The following SYNDIG1L variants were observed in gnomAD, a reference collection of about 807,000 sequenced individuals.
SYNDIG1L encodes the protein synapse differentiation-inducing gene protein 1-like.
In SYNDIG1L, 13 loss-of-function variants were observed where a neutral mutation model predicts 20.1. The observed-to-expected ratio is 0.65, with a 90% CI of 0.42 to 1.03. SYNDIG1L has a LOEUF of 1.03. Among genes scored for constraint, SYNDIG1L ranks in the 50% least tolerant of loss-of-function variants. SYNDIG1L has a pLI of 0.00. For missense variants in SYNDIG1L, 294 were observed against 305.1 expected (o/e 0.96, Z 0.27); for synonymous variants, 128 against 129.3 (o/e 0.99, Z 0.07).
intron 1 of SYNDIG1L, among the ~76,000 whole-genome samples, chr14:74,421,994 G>A (rs191127506): frequency 6.6e-6 from 1 of 152,208 alleles, no homozygotes; most frequent in Non-Finnish European, 1.5e-5. Flanking sequence ...GGCTGACAAG[G>A]GTGAAAATTG....
chr14:74,466,246 A>T, the SYNDIG1L span, among the ~76,000 whole-genome samples: 4 of 152,208 alleles, frequency 2.6e-5, no homozygotes. Flanking sequence ...AGAAGGTGGC[A>T]TTGATTGCAA....
the SYNDIG1L span, chr14:74,480,136 C>T: frequency 1.3e-6 from 2 of 1,584,312 alleles, no homozygotes; most frequent in Admixed American, 1.8e-5. Context: ...TCAGTTTCTG[C>T]TACAGAGCAC....
At position 74,407,662 on chromosome 14, in the gene SYNDIG1L, C is replaced by T. The variant is rs202133035; in HGVS notation, c.590G>A (p.Arg197His). The change falls in exon 4 of 4, where the codon CGC (arginine) becomes CAC (histidine). Residue 197 changes from arginine to histidine, a missense_variant. By Grantham distance (29) the Arg-to-His change is conservative. Transcript: ENST00000331628. ...CCGGCGGGAGGTGGTGCTGGCCAGG[C>T]GGAAGTCCCCTTTGGAGATGGCCTT... ...TSKAISKGDF[R>H]LASTTSRRAL... is the part of the protein sequence containing the mutation. The T allele has an allele frequency of 1.5e-4, 237 of 1,611,638 alleles. No homozygotes were observed. In the East Asian group the frequency reaches 1.9e-3, roughly 13 times the overall value.
the SYNDIG1L span, among the ~76,000 whole-genome samples, chr14:74,475,095 A>G: frequency 3.9e-5 from 6 of 152,162 alleles, no homozygotes; most frequent in Non-Finnish European, 8.8e-5. Flanking sequence ...GTGGCATCAG[A>G]GAGGCCATCA....
the SYNDIG1L span, among the ~76,000 whole-genome samples, chr14:74,451,196 A>T: frequency 1.3e-5 from 2 of 152,242 alleles, no homozygotes; most frequent in Non-Finnish European, 2.9e-5. Context: ...AATAATCAAG[A>T]CAGTGAGGTG....
chr14:74,479,156 T>C, the SYNDIG1L span: 1 of 152,238 alleles, frequency 6.6e-6, no homozygotes, highest in Non-Finnish European at 1.5e-5. Flanking sequence ...ACTGGTTGAC[T>C]GGCTCCTAGC....
At chr14:74,443,574 G>A in the SYNDIG1L span, among the ~76,000 whole-genome samples, 7 of 152,230 alleles carry the variant, frequency 4.6e-5, no homozygotes, top group Non-Finnish European at 1.0e-4. Flanking sequence ...ATACACTTAG[G>A]ATGGTGCTTT....
chr14:74,446,773 C>T, the SYNDIG1L span, among the ~76,000 whole-genome samples: 14 of 152,188 alleles, frequency 9.2e-5, no homozygotes, highest in Middle Eastern at 3.4e-3. Flanking sequence ...CATGCCACCA[C>T]GCTCGGCTAA....
At chr14:74,436,394 A>T in the SYNDIG1L span, among the ~76,000 whole-genome samples, 2 of 151,940 alleles carry the variant, frequency 1.3e-5, no homozygotes, top group South Asian at 2.1e-4. Flanking sequence ...ATACCTGGCT[A>T]ATTTATTTAT....
chr14:74,409,264 T>G, intron 2 of SYNDIG1L, 64 bp downstream of exon 2: 2 of 1,248,986 alleles, frequency 1.6e-6, no homozygotes, highest in Non-Finnish European at 2.2e-6. Context: ...TTTTTTTTTT[T>G]GTAGAGTCGG....
chr14:74,469,691 G>A, the SYNDIG1L span, among the ~76,000 whole-genome samples: 7 of 152,298 alleles, frequency 4.6e-5, no homozygotes, highest in East Asian at 1.4e-3. Flanking sequence ...TAAAGGCTCA[G>A]GGGCTACTTA....
At chr14:74,459,910 A>G in the SYNDIG1L span, among the ~76,000 whole-genome samples, 7 of 152,198 alleles carry the variant, frequency 4.6e-5, no homozygotes, top group Non-Finnish European at 8.8e-5. Flanking sequence ...TACTGTCCCC[A>G]GGAAGTAGCC....
intron 1 of SYNDIG1L, among the ~76,000 whole-genome samples, chr14:74,414,216 G>A (rs145446101): frequency 5.6e-4 from 86 of 152,332 alleles, no homozygotes; most frequent in Non-Finnish European, 9.6e-4. Flanking sequence ...GCCCACACTC[G>A]TGTGTGTTTG....
the SYNDIG1L span, among the ~76,000 whole-genome samples, chr14:74,462,219 C>T: frequency 6.6e-6 from 1 of 151,772 alleles, no homozygotes; most frequent in African/African-American, 2.4e-5. Flanking sequence ...CGCTGTGGCT[C>T]ACTCCTGTAA....
upstream of SYNDIG1L, among the ~76,000 whole-genome samples, chr14:74,429,704 C>T (rs955563424): frequency 6.6e-6 from 1 of 152,224 alleles, no homozygotes; most frequent in Non-Finnish European, 1.5e-5. Context: ...CTTTGGACTG[C>T]CCATCAGCCA....
At chr14:74,438,980 G>A in the SYNDIG1L span, among the ~76,000 whole-genome samples, 4 of 152,146 alleles carry the variant, frequency 2.6e-5, no homozygotes, top group Non-Finnish European at 5.9e-5. Flanking sequence ...CAGGCGTGGT[G>A]GCACGTGCCT....
At chr14:74,415,277 G>A (rs931461985) in intron 1 of SYNDIG1L, among the ~76,000 whole-genome samples, 20 of 152,284 alleles carry the variant, frequency 1.3e-4, no homozygotes, top group African/African-American at 3.9e-4. Flanking sequence ...CGCCAGAAGC[G>A]AAAGTTGTCT....
the SYNDIG1L span, among the ~76,000 whole-genome samples, chr14:74,444,722 T>A: frequency 1.3e-4 from 19 of 151,904 alleles, 1 homozygote; most frequent in East Asian, 3.5e-3. Flanking sequence ...CTGTACTCCA[T>A]CCAGCCTGAG....
the SYNDIG1L span, among the ~76,000 whole-genome samples, chr14:74,458,051 C>T: frequency 5.0e-4 from 76 of 152,200 alleles, no homozygotes; most frequent in Admixed American, 3.9e-4. Context: ...CCTCCCGCCT[C>T]GACCTCCCAA....
Sources: allele counts gnomAD v4.1 joint callset (sites outside exome capture counted in the v4.1 genomes callset), GRCh38; gene constraint gnomAD v4.1.1; transcripts MANE v1.5; gene names NCBI Gene and HGNC (gene_info 2026-07-23, HGNC 2026-07-21).